The following AGBL4 variants were observed in gnomAD, a reference collection of about 807,000 sequenced individuals.
The protein encoded by AGBL4 is cytosolic carboxypeptidase 6.
AGBL4 carries 58 observed loss-of-function variants against 66.4 expected under a neutral mutation model. That is an observed-to-expected ratio of 0.87 (90% CI 0.71 to 1.09). The LOEUF is 1.09. Ranked by LOEUF, AGBL4 falls within the 50% of genes least tolerant of loss-of-function variation. The pLI is 0.00. For synonymous variants in AGBL4, 234 were observed against 222.9 expected (o/e 1.05, Z -0.44); for missense variants, 579 against 631.0 (o/e 0.92, Z 0.88).
chr1:49,131,999 A>G (rs188830877), intron 4 of AGBL4, among the ~76,000 whole-genome samples: 97 of 152,274 alleles, frequency 6.4e-4, no homozygotes, highest in Non-Finnish European at 1.0e-3. Flanking sequence ...GTAGTTAATG[A>G]CAATGGAGTA....
intron 1 of AGBL4, among the ~76,000 whole-genome samples, chr1:49,948,540 TATAAATATATATAAATATATAAAA>T (rs1655745334): frequency 2.6e-5 from 3 of 114,358 alleles, no homozygotes; most frequent in African/African-American, 9.8e-5. Context: ...TATATAAATA[TATAAATATATATAAATATATAAAA>T]ATATATATAT....
chr1:49,636,796 A>G (rs1645681350), intron 3 of AGBL4, among the ~76,000 whole-genome samples: 1 of 152,190 alleles, frequency 6.6e-6, no homozygotes, highest in African/African-American at 2.4e-5. Context: ...ATTGATCTGC[A>G]TGATCCAATG....
Position 49,576,570 on chromosome 1 carries a change from C to T in AGBL4, c.282+120743G>A, listed in dbSNP as rs185774285. Among the ~76,000 whole-genome samples, 289 of 152,290 alleles carry T rather than the reference C, an allele frequency of 1.9e-3. 2 individuals are homozygous for T. The highest frequency in any genetic ancestry group is 6.5e-3 in the African/African-American group (270 of 41,572). On this transcript the variant is annotated intron_variant, in intron 3 of 13. Transcript: ENST00000371839. ...GACTATGGGTCATCAAGTCACCATG[C>T]GAATTGAACTGCCTATGATGAACTG...
At chr1:49,020,647 G>A (rs1208651924) in intron 5 of AGBL4, among the ~76,000 whole-genome samples, 1 of 152,120 alleles carries the variant, frequency 6.6e-6, no homozygotes, top group Non-Finnish European at 1.5e-5. Context: ...TGAGCCTGAG[G>A]TAAGGGCAGC....
At chr1:49,573,003 C>T (rs1644361754) in intron 3 of AGBL4, among the ~76,000 whole-genome samples, 2 of 152,150 alleles carry the variant, frequency 1.3e-5, no homozygotes, top group Admixed American at 6.5e-5. Context: ...GAACATCAGA[C>T]TCCAAGTTCT....
chr1:49,429,731 C>G (rs1405101271), intron 3 of AGBL4, among the ~76,000 whole-genome samples: 3 of 152,100 alleles, frequency 2.0e-5, no homozygotes, highest in African/African-American at 7.2e-5. Context: ...AAAGTCCAAA[C>G]TCTTCAGTAT....
At chr1:48,959,144 A>G (rs1657744621) in intron 5 of AGBL4, among the ~76,000 whole-genome samples, 1 of 152,204 alleles carries the variant, frequency 6.6e-6, no homozygotes, top group Admixed American at 6.5e-5. Context: ...GACATGGATT[A>G]TATTGCTAAC....
intron 3 of AGBL4, among the ~76,000 whole-genome samples, chr1:49,477,933 C>T (rs1282692116): frequency 2.0e-5 from 3 of 151,404 alleles, no homozygotes; most frequent in African/African-American, 7.3e-5. Flanking sequence ...CTGAAGAACA[C>T]ATCAGTCTTT....
chr1:49,829,068 C>CAAA (rs536528061), intron 2 of AGBL4, among the ~76,000 whole-genome samples: 2 of 93,526 alleles, frequency 2.1e-5, no homozygotes, highest in African/African-American at 4.1e-5. Context: ...GACTCCGTCT[C>CAAA]AAAAAAAAAA....
chr1:49,301,933 T>C (rs1644752285), intron 3 of AGBL4, among the ~76,000 whole-genome samples: 1 of 152,172 alleles, frequency 6.6e-6, no homozygotes, highest in Non-Finnish European at 1.5e-5. Context: ...CTCCAAATTC[T>C]CTGGAGGATG....
At chr1:48,846,383 AAG>A (rs960087831) in intron 6 of AGBL4, among the ~76,000 whole-genome samples, 17 of 150,158 alleles carry the variant, frequency 1.1e-4, no homozygotes, top group Non-Finnish European at 1.9e-4. Context: ...GAAAGAAAGA[AAG>A]AAAGAAAGAA....
chr1:48,776,888 A>T, intron 6 of AGBL4: 5 of 596,204 alleles, frequency 8.4e-6, no homozygotes, highest in Non-Finnish European at 8.9e-6. Flanking sequence ...GCGGGCGCGG[A>T]GGTGGGGATC....
At chr1:49,858,785 G>A (rs1646494745) in intron 1 of AGBL4, among the ~76,000 whole-genome samples, 1 of 152,182 alleles carries the variant, frequency 6.6e-6, no homozygotes, top group African/African-American at 2.4e-5. Context: ...GGGAGGCTGA[G>A]GCGGCAGATC....
intron 5 of AGBL4, among the ~76,000 whole-genome samples, chr1:48,870,677 C>G (rs4468211): frequency 0.98 from 148,663 of 152,252 alleles, 72,666 homozygotes; most frequent in East Asian, 1. Context: ...TTGCCCAGAG[C>G]ATTACTATCT....
chr1:49,681,811 C>T (rs1337640620), intron 3 of AGBL4, among the ~76,000 whole-genome samples: 1 of 152,120 alleles, frequency 6.6e-6, no homozygotes, highest in East Asian at 1.9e-4. Flanking sequence ...CCTTTATTCC[C>T]TTTGCCATTA....
At chr1:49,760,427 C>T (rs911531576) in intron 2 of AGBL4, among the ~76,000 whole-genome samples, 2 of 152,128 alleles carry the variant, frequency 1.3e-5, no homozygotes, top group African/African-American at 4.8e-5. Context: ...AAAAGCTCAA[C>T]ATTACTGATC....
rs181506025 is a variant in AGBL4, at chr1:48,897,440, G to C, written c.595-30210C>G. Reference sequence around the variant, plus strand: ...TTGTGAACAATGCTGCAATAAACATGGGAGTACAGATATCTTTTTGATATA... The same window carrying C: ...TTGTGAACAATGCTGCAATAAACATCGGAGTACAGATATCTTTTTGATATA... On this transcript the variant is annotated intron_variant, in intron 5 of 13. Coordinates refer to ENST00000371839, the MANE Select transcript of AGBL4 (RefSeq NM_032785.4). Among the ~76,000 whole-genome samples, 1,102 of 152,286 alleles carry C rather than the reference G, an allele frequency of 7.2e-3. 5 individuals are homozygous for C. Among genetic ancestry groups the C allele is most frequent in the Middle Eastern group, 0.014 (4 of 294 alleles).
intron 3 of AGBL4, among the ~76,000 whole-genome samples, chr1:49,480,653 C>A (rs978342467): frequency 2.0e-5 from 3 of 152,016 alleles, no homozygotes; most frequent in African/African-American, 7.2e-5. Flanking sequence ...TCAGGTCCCA[C>A]TTGTCAATTT....
At chr1:49,958,085 T>C (rs943464849) in intron 1 of AGBL4, among the ~76,000 whole-genome samples, 1 of 152,096 alleles carries the variant, frequency 6.6e-6, no homozygotes. Flanking sequence ...CATTTGCTTG[T>C]CTGTAAAGGA....
Sources: allele counts gnomAD v4.1 joint callset (sites outside exome capture counted in the v4.1 genomes callset), GRCh38; gene constraint gnomAD v4.1.1; transcripts MANE v1.5; gene names NCBI Gene and HGNC (gene_info 2026-07-23, HGNC 2026-07-21).